The following LUZP2 variants were observed in gnomAD, a reference collection of about 807,000 sequenced individuals.
LUZP2 encodes the protein leucine zipper protein 2.
Under a neutral mutation model 51.6 loss-of-function variants are expected in LUZP2, and 52 were observed. That is an observed-to-expected ratio of 1.01 (90% CI 0.81 to 1.27). LUZP2 has a LOEUF of 1.27. LUZP2 is among the 50% of genes most tolerant of loss of function. LUZP2 has a pLI of 0.00. For synonymous variants in LUZP2, 154 were observed against 137.3 expected, an observed-to-expected ratio of 1.12 and a Z score of -0.85; for missense variants, 436 against 395.4, an observed-to-expected ratio of 1.10 and a Z score of -0.87.
At chr11:25,011,853 C>G (rs934501603) in intron 9 of LUZP2, among the ~76,000 whole-genome samples, 14 of 151,766 alleles carry the variant, frequency 9.2e-5, no homozygotes, top group African/African-American at 1.9e-4. Context: ...TTCAAGTTCT[C>G]TTTTCTAGAG....
At chr11:24,498,835 CATAA>C (rs138107933) in intron 1 of LUZP2, among the ~76,000 whole-genome samples, 6,494 of 152,212 alleles carry the variant, frequency 0.043, 169 homozygotes, top group Middle Eastern at 0.11. Context: ...TCAACACATG[CATAA>C]ATAATAGGAA....
In LUZP2 at chr11:24,618,413, G is replaced by A. The variant is rs566413547; in HGVS notation, c.63-110756G>A. Among the ~76,000 whole-genome samples, 3 of 152,226 alleles carry A rather than the reference G, an allele frequency of 2.0e-5. No homozygotes were observed. In the South Asian group the frequency reaches 6.2e-4, roughly 32 times the overall value. On this transcript the variant is annotated intron_variant, in intron 1 of 11. Coordinates refer to ENST00000336930, the MANE Select transcript of LUZP2 (RefSeq NM_001009909.4). ...GCCTCATGAGAGTGGAGGTCAGACTGCCTACTGGGCCTTTGTTGGCATGAG... is the reference window on the plus strand; with the variant it reads ...GCCTCATGAGAGTGGAGGTCAGACTACCTACTGGGCCTTTGTTGGCATGAG...
intron 1 of LUZP2, among the ~76,000 whole-genome samples, chr11:24,510,664 G>T (rs376248898): frequency 6.6e-6 from 1 of 151,840 alleles, no homozygotes; most frequent in Non-Finnish European, 1.5e-5. Flanking sequence ...ATATATATAC[G>T]TATACCACAT....
chr11:24,733,171 AT>A (rs199978611), intron 3 of LUZP2, among the ~76,000 whole-genome samples: 3,179 of 151,936 alleles, frequency 0.021, 105 homozygotes, highest in African/African-American at 0.072. Context: ...CTATTAAAAA[AT>A]ATAAAATCAA....
chr11:24,784,101 C>A (rs1284174394), intron 5 of LUZP2, among the ~76,000 whole-genome samples: 1 of 151,840 alleles, frequency 6.6e-6, no homozygotes, highest in Non-Finnish European at 1.5e-5. Flanking sequence ...TGTTCAATTT[C>A]TTGTGAATTA....
At position 24,925,408 on chromosome 11, in the gene LUZP2, C is replaced by T. The variant is rs530963273; in HGVS notation, c.522+10870C>T. Among the ~76,000 whole-genome samples, 105 of 152,250 alleles carry T rather than the reference C, an allele frequency of 6.9e-4. 3 individuals carry two copies. The South Asian group carries it at 0.021, about 31-fold the overall frequency. On this transcript the variant is annotated intron_variant, in intron 7 of 11. Coordinates refer to ENST00000336930, the MANE Select transcript of LUZP2 (RefSeq NM_001009909.4). The stretch of plus-strand genomic sequence containing the variant: ...TTTATTTTTGGCTCCTATACTCTAC[C>T]AGTTTAAAAGAACCAACAGCTTAGA...
In LUZP2 at chr11:24,848,146, T is replaced by C. The variant is rs531295363; in HGVS notation, c.397-57845T>C. ...AAACAGGACTAATATATGATTGATATGATATGATATGATATGATAGATATG... is the reference window on the plus strand; with the variant it reads ...AAACAGGACTAATATATGATTGATACGATATGATATGATATGATAGATATG... On this transcript the variant is annotated intron_variant, in intron 5 of 11. Transcript: ENST00000336930. 4.4e-3 allele frequency among the ~76,000 whole-genome samples: 669 copies of C among 152,094 alleles called. 3 individuals carry two copies. Among genetic ancestry groups the C allele is most frequent in the African/African-American group, 0.015 (637 of 41,532 alleles).
chr11:25,026,671 C>T (rs2133983202), intron 9 of LUZP2, among the ~76,000 whole-genome samples: 1 of 151,850 alleles, frequency 6.6e-6, no homozygotes, highest in East Asian at 1.9e-4. Flanking sequence ...GGTTGTAGTT[C>T]CCTCATTTTT....
chr11:24,503,038 C>T (rs558429937), intron 1 of LUZP2, among the ~76,000 whole-genome samples: 3 of 151,936 alleles, frequency 2.0e-5, no homozygotes, highest in Admixed American at 6.6e-5. Context: ...TTTTTTTTTA[C>T]TACGGAGAAC....
intron 7 of LUZP2, among the ~76,000 whole-genome samples, chr11:24,943,845 T>TC: frequency 7.2e-6 from 1 of 139,366 alleles, no homozygotes; most frequent in Admixed American, 7.8e-5. Flanking sequence ...GCCACTGCAC[T>TC]CCAGCCTGGG....
intron 9 of LUZP2, among the ~76,000 whole-genome samples, chr11:25,038,692 G>A (rs1200152565): frequency 1.3e-5 from 2 of 152,174 alleles, no homozygotes; most frequent in Non-Finnish European, 2.9e-5. Flanking sequence ...TGTGGAGCTA[G>A]TGAGCTCATT....
chr11:25,031,708 T>C (rs1353840517), intron 9 of LUZP2, among the ~76,000 whole-genome samples: 1 of 152,140 alleles, frequency 6.6e-6, no homozygotes, highest in Non-Finnish European at 1.5e-5. Context: ...TTCTTTGATA[T>C]GGGCATTTAG....
At chr11:24,960,444 G>T (rs901808206) in intron 7 of LUZP2, among the ~76,000 whole-genome samples, 24 of 151,092 alleles carry the variant, frequency 1.6e-4, no homozygotes, top group South Asian at 2.1e-4. Flanking sequence ...TATTGGTCTA[G>T]TCAGAGATTC....
chr11:24,577,237 G>A (rs1452813529), intron 1 of LUZP2, among the ~76,000 whole-genome samples: 6 of 151,704 alleles, frequency 4.0e-5, no homozygotes, highest in Non-Finnish European at 7.4e-5. Context: ...TTGTAAGTAC[G>A]AATTCTTATA....
At chr11:24,570,006 A>G (rs1257966322) in intron 1 of LUZP2, among the ~76,000 whole-genome samples, 1 of 152,110 alleles carries the variant, frequency 6.6e-6, no homozygotes, top group Non-Finnish European at 1.5e-5. Flanking sequence ...TTACTAAAGC[A>G]TAACTAAAAT....
chr11:24,814,457 A>G lies in LUZP2; in HGVS notation c.396+51149A>G, dbSNP rs548699571. Among the ~76,000 whole-genome samples, 331 of 152,340 alleles carry G rather than the reference A, an allele frequency of 2.2e-3. 2 individuals are homozygous for G. The highest frequency in any genetic ancestry group is 7.6e-3 in the African/African-American group (318 of 41,594). ...ATGTGGTCCTTGAGGGCTTTATGAA[A>G]GAGTCTTCCTTCTGATATATGTAAA... On this transcript the variant is annotated intron_variant, in intron 5 of 11. Transcript: ENST00000336930.
intron 5 of LUZP2, among the ~76,000 whole-genome samples, chr11:24,813,807 C>G (rs551291868): frequency 1.3e-5 from 2 of 152,122 alleles, no homozygotes; most frequent in Non-Finnish European, 2.9e-5. Flanking sequence ...TCTGAGATGC[C>G]CCTCCCTTCT....
intron 9 of LUZP2, among the ~76,000 whole-genome samples, chr11:24,984,705 G>C (rs926931095): frequency 6.6e-6 from 1 of 150,932 alleles, no homozygotes; most frequent in African/African-American, 2.4e-5. Flanking sequence ...TTCACTGTTA[G>C]AACTATAGCT....
At chr11:24,822,150 A>G (rs1850380533) in intron 5 of LUZP2, among the ~76,000 whole-genome samples, 1 of 152,116 alleles carries the variant, frequency 6.6e-6, no homozygotes, top group Non-Finnish European at 1.5e-5. Flanking sequence ...TCTTCAGTGG[A>G]CAATATTTCT....
Sources: gnomAD v4.1 joint callset for allele counts (sites outside exome capture counted in the v4.1 genomes callset) on GRCh38, gnomAD v4.1.1 for gene constraint, MANE v1.5 for transcripts, NCBI Gene and HGNC (gene_info 2026-07-23, HGNC 2026-07-21) for gene names.